The following PLPP1 variants were observed in gnomAD, a reference collection of about 807,000 sequenced individuals.
The protein encoded by PLPP1 is phospholipid phosphatase 1, also known as lipid phosphate phosphohydrolase 1a.
PLPP1 carries 24 observed loss-of-function variants against 31.2 expected under a neutral mutation model. The ratio of observed to expected loss-of-function variants is 0.77; its 90% CI spans 0.56 to 1.08. The LOEUF is 1.08. Among genes scored for constraint, PLPP1 ranks in the 50% least tolerant of loss-of-function variants. The pLI is 0.00. For synonymous variants in PLPP1, 146 were observed against 126.3 expected (o/e 1.16, Z -1.05); for missense variants, 319 against 342.7 (o/e 0.93, Z 0.55).
At chr5:55,530,712 A>G in intron 1 of PLPP1, 1 of 1,575,298 alleles carries the variant, frequency 6.3e-7, no homozygotes, top group East Asian at 2.2e-5. Context: ...TTCTAGTCAC[A>G]TTTCCACGAC....
chr5:55,444,741 T>TGTGTGTGTGTG (rs1554037408), intron 3 of PLPP1, among the ~76,000 whole-genome samples: 7 of 6,956 alleles, frequency 1.0e-3, no homozygotes, highest in Non-Finnish European at 1.3e-3. Context: ...TGGGATTCTA[T>TGTGTGTGTGTG]TTTGTGTGTG....
chr5:55,441,906 A>T lies in PLPP1; in HGVS notation c.494T>A (p.Leu165Ter), dbSNP rs1291535881. 1 of 1,613,304 alleles carries T rather than the reference A, an allele frequency of 6.2e-7. No homozygotes were observed. ...CGAAGAGTGGCCTGAATAGAAGGAC[A>T]ACCTGGAAGAAAAAGAAGACAAATG... ...GNAERVKEGR[L>*]SFYSGHSSFS... Residue 165 changes from leucine (L) to a stop codon, truncating the protein, a stop_gained and splice_region_variant, in exon 4 of 6, where the codon TTG (leucine) becomes TAG (stop). Coordinates refer to ENST00000307259, the MANE Select transcript of PLPP1 (RefSeq NM_003711.4). LOFTEE classifies it high-confidence loss of function.
intron 1 of PLPP1, among the ~76,000 whole-genome samples, chr5:55,477,969 C>T (rs1357811469): frequency 3.4e-5 from 5 of 147,484 alleles, no homozygotes; most frequent in Admixed American, 6.8e-5. Flanking sequence ...GACAGAGTGA[C>T]ACTCTGTCTT....
chr5:55,473,143 A>T (rs551729391), intron 2 of PLPP1, among the ~76,000 whole-genome samples: 10 of 151,716 alleles, frequency 6.6e-5, no homozygotes, highest in South Asian at 6.2e-4. Context: ...CATACTTTTT[A>T]AAAAAAGACC....
chr5:55,463,759 C>T (rs1752220755), intron 3 of PLPP1, among the ~76,000 whole-genome samples: 1 of 148,692 alleles, frequency 6.7e-6, no homozygotes, highest in South Asian at 2.1e-4. Flanking sequence ...ACAGCCTGGA[C>T]AACAAAGCAA....
chr5:55,474,506 A>T (rs562407377), intron 2 of PLPP1, among the ~76,000 whole-genome samples: 1 of 152,326 alleles, frequency 6.6e-6, no homozygotes, highest in East Asian at 1.9e-4. Context: ...TCCACCTGAA[A>T]TACCGGAAAA....
In PLPP1 at chr5:55,457,635, A is replaced by T. The variant is rs140868358; in HGVS notation, c.491+10234T>A. On this transcript the variant is annotated intron_variant, in intron 3 of 5. Coordinates refer to ENST00000307259, the MANE Select transcript of PLPP1 (RefSeq NM_003711.4). ...AATTTGCAAGGGGGCTCACGCCTGT[A>T]ATCCCAGCACTCTGGGAGGCCAAGG... 1.4e-3 allele frequency among the ~76,000 whole-genome samples: 213 copies of T among 152,312 alleles called. 1 individual carries two copies. The highest frequency in any genetic ancestry group is 4.3e-3 in the African/African-American group (178 of 41,564).
At chr5:55,532,398 G>T (rs1245979894) in intron 1 of PLPP1, among the ~76,000 whole-genome samples, 1 of 152,046 alleles carries the variant, frequency 6.6e-6, no homozygotes, top group Non-Finnish European at 1.5e-5. Context: ...AGACAAAGAT[G>T]ATATGTAATT....
intron 1 of PLPP1, among the ~76,000 whole-genome samples, chr5:55,500,204 C>T (rs555325206): frequency 2.2e-4 from 33 of 151,810 alleles, no homozygotes; most frequent in Admixed American, 5.9e-4. Flanking sequence ...CTCAGCCTCC[C>T]GAGTAGCTGG....
At chr5:55,467,788 C>T (rs909914356) in intron 3 of PLPP1, 81 bp downstream of exon 3, 88 of 1,401,866 alleles carry the variant, frequency 6.3e-5, no homozygotes, top group Admixed American at 1.4e-4. Flanking sequence ...TTTTTAAGTG[C>T]GTGGCTTATC....
intron 4 of PLPP1, among the ~76,000 whole-genome samples, chr5:55,429,651 C>T (rs1458269558): frequency 6.6e-6 from 1 of 152,074 alleles, no homozygotes; most frequent in African/African-American, 2.4e-5. Flanking sequence ...TTGAGAGCCC[C>T]ACCCCCAGCA....
intron 4 of PLPP1, among the ~76,000 whole-genome samples, chr5:55,432,359 A>G (rs1386336807): frequency 1.3e-5 from 2 of 152,170 alleles, no homozygotes; most frequent in African/African-American, 4.8e-5. Context: ...AAACCTGAAC[A>G]GACCAATAAT....
At chr5:55,428,765 C>T (rs1181415401) in intron 4 of PLPP1, among the ~76,000 whole-genome samples, 2 of 152,162 alleles carry the variant, frequency 1.3e-5, no homozygotes, top group African/African-American at 4.8e-5. Context: ...TTTGCAGATT[C>T]CACTCTTCTC....
intron 4 of PLPP1, among the ~76,000 whole-genome samples, chr5:55,431,932 C>A (rs1480517616): frequency 3.9e-5 from 6 of 152,106 alleles, no homozygotes; most frequent in Non-Finnish European, 8.8e-5. Context: ...TATCTCCAAT[C>A]ATCTATTTGG....
At chr5:55,526,896 TA>T (rs1229928286) in intron 1 of PLPP1, among the ~76,000 whole-genome samples, 1 of 124,272 alleles carries the variant, frequency 8.0e-6, no homozygotes, top group East Asian at 2.4e-4. Context: ...CGGGCCACTG[TA>T]CTCCAGCCTG....
At chr5:55,487,803 A>G (rs2111843023) in intron 1 of PLPP1, among the ~76,000 whole-genome samples, 1 of 152,296 alleles carries the variant, frequency 6.6e-6, no homozygotes, top group Admixed American at 6.5e-5. Context: ...AGGCCCAGAA[A>G]CTGGCCAAAT....
chr5:55,445,029 C>CA (rs1454346322), intron 3 of PLPP1, among the ~76,000 whole-genome samples: 1 of 152,130 alleles, frequency 6.6e-6, no homozygotes, highest in African/African-American at 2.4e-5. Context: ...GGATTACAGG[C>CA]GTGAGCCACC....
chr5:55,533,753 T>C (rs535465264), intron 1 of PLPP1, among the ~76,000 whole-genome samples: 2 of 152,310 alleles, frequency 1.3e-5, no homozygotes, highest in South Asian at 2.1e-4. Context: ...ATACAATACA[T>C]AAAAAGTGAA....
rs113263153 is a variant in PLPP1, at chr5:55,450,959, A to C, written c.492-9051T>G. Reference sequence around the variant, plus strand: ...TAAAGTACGCATTGTTATTGTTTTAAGAGGCAGGACTGCTAACTAGAAACG... The same window carrying C: ...TAAAGTACGCATTGTTATTGTTTTACGAGGCAGGACTGCTAACTAGAAACG... On this transcript the variant is annotated intron_variant, in intron 3 of 5. Transcript: ENST00000307259. 5.4e-3 allele frequency among the ~76,000 whole-genome samples: 827 copies of C among 152,356 alleles called. 4 individuals carry two copies. Among genetic ancestry groups the C allele is most frequent in the African/African-American group, 0.019 (797 of 41,582 alleles).
Sources: allele counts gnomAD v4.1 joint callset (sites outside exome capture counted in the v4.1 genomes callset), GRCh38; gene constraint gnomAD v4.1.1; transcripts MANE v1.5; gene names NCBI Gene and HGNC (gene_info 2026-07-23, HGNC 2026-07-21).